The following CTNNAL1 variants were observed in gnomAD, a reference collection of about 807,000 sequenced individuals.
CTNNAL1 encodes catenin alpha like 1.
In CTNNAL1, 69 loss-of-function variants were observed where a neutral mutation model predicts 93.6. The ratio of observed to expected loss-of-function variants is 0.74; its 90% CI spans 0.61 to 0.90. CTNNAL1 has a LOEUF of 0.90. Among genes scored for constraint, CTNNAL1 ranks in the 40% least tolerant of loss-of-function variants. The probability of loss-of-function intolerance (pLI) is 0.00; values close to 1 mark genes in which losing one functional copy is unlikely to be tolerated. For synonymous variants in CTNNAL1, 286 were observed against 305.4 expected (o/e 0.94, Z 0.66); for missense variants, 836 against 862.0 (o/e 0.97, Z 0.38).
At chr9:108,955,736 T>G in intron 12 of CTNNAL1, 54 bp downstream of exon 12, 3 of 1,456,384 alleles carry the variant, frequency 2.1e-6, no homozygotes, top group Non-Finnish European at 2.9e-6. Flanking sequence ...AACAAGAGCA[T>G]AATTTGAATT....
intron 14 of CTNNAL1, chr9:108,950,595 C>A (rs1428870993): frequency 2.6e-6 from 4 of 1,550,104 alleles, no homozygotes; most frequent in Non-Finnish European, 3.5e-6. Flanking sequence ...CACTCTTAAT[C>A]CTCCTTCTAT....
Position 108,965,564 on chromosome 9 carries a change from A to G in CTNNAL1, c.1441-36T>C, listed in dbSNP as rs375380048. 64 of 1,313,376 alleles carry G rather than the reference A, an allele frequency of 4.9e-5. No individual in the cohort carries two copies. The African/African-American group carries it at 8.2e-4, about 17-fold the overall frequency. 81.4% of individuals were successfully genotyped at this position (1,313,376 alleles called of 1,614,324 possible). A position where few individuals can be genotyped will look rare whatever the true frequency, so the allele number is the denominator to read the frequency against. ...ACAATATACACCTGTGTGAATTTCAAAATCTTAGCCCTCAGAATCACTTTG... is the reference window on the plus strand; with the variant it reads ...ACAATATACACCTGTGTGAATTTCAGAATCTTAGCCCTCAGAATCACTTTG... On this transcript the variant is annotated intron_variant, in intron 10 of 18. Coordinates refer to ENST00000325551, the MANE Select transcript of CTNNAL1 (RefSeq NM_003798.4).
At chr9:108,983,365 T>A in intron 5 of CTNNAL1, 50 bp from the exon 6 acceptor site, 1 of 1,363,088 alleles carries the variant, frequency 7.3e-7, no homozygotes, top group Non-Finnish European at 9.5e-7. Context: ...TATGTCATAA[T>A]GCACAAAAAT....
At chr9:108,998,331 A>G (rs1832097071) in intron 2 of CTNNAL1, among the ~76,000 whole-genome samples, 1 of 152,120 alleles carries the variant, frequency 6.6e-6, no homozygotes, top group African/African-American at 2.4e-5. Flanking sequence ...CACCAAAGTT[A>G]AAAAACCCTG....
rs201781941 is a variant in CTNNAL1 at position 108,990,840 on chromosome 9, G to A, written c.525C>T (p.Leu175=). ...KQIITSRNKV[L]ATMERLEKVN... ...CTTTCTCTAGTCTTTCCATAGTTGCGAGAACCTGCAAAACAGATAATAATT... is the reference window on the plus strand; with the variant it reads ...CTTTCTCTAGTCTTTCCATAGTTGCAAGAACCTGCAAAACAGATAATAATT... Residue 175 remains leucine, a synonymous_variant, in exon 4 of 19, where the codon CTC becomes CTT. Coordinates refer to ENST00000325551, the MANE Select transcript of CTNNAL1 (RefSeq NM_003798.4). 5.6e-5 allele frequency: 90 copies of A among 1,611,940 alleles called. No homozygotes were observed. The highest frequency in any genetic ancestry group is 1.7e-4 in the South Asian group (15 of 90,536).
chr9:109,008,008 G>A (rs939107570), intron 1 of CTNNAL1, among the ~76,000 whole-genome samples: 1 of 151,852 alleles, frequency 6.6e-6, no homozygotes, highest in Admixed American at 6.6e-5. Context: ...TATAGCTGTG[G>A]TTTATTCATT....
In CTNNAL1 at chr9:109,013,192, G is replaced by C; in HGVS notation, c.141+110C>G. On this transcript the variant is annotated intron_variant, in intron 1 of 18. Transcript: ENST00000325551. ...GGTCCGACAAGAACGCCGCAGTGCC[G>C]GCGCGGAAAGTGGGGCAGCGGCTGC... The C allele has an allele frequency of 3.8e-6, 5 of 1,302,092 alleles. No homozygotes were observed. The South Asian group carries it at 8.9e-5, about 23-fold the overall frequency. 80.7% of individuals were successfully genotyped at this position (1,302,092 alleles called of 1,614,324 possible).
In CTNNAL1 at chr9:108,942,766, T is replaced by G; in HGVS notation, c.*3A>C. The G allele has an allele frequency of 6.3e-7, 1 of 1,594,330 alleles. No homozygotes were observed. The highest frequency in any genetic ancestry group is 8.6e-7 in the Non-Finnish European group (1 of 1,163,104). On this transcript the variant is annotated 3_prime_UTR_variant, in exon 19 of 19. Coordinates refer to ENST00000325551, the MANE Select transcript of CTNNAL1 (RefSeq NM_003798.4). ...GTTCCAGAGATCTGACCCCAAAAGC[T>G]TCTCAAGTTTTACTATCCATAGTGT... is the stretch of plus-strand genomic sequence containing the variant.
chr9:108,990,951 A>C, intron 3 of CTNNAL1, 106 bp from the exon 4 acceptor site: 3 of 1,350,004 alleles, frequency 2.2e-6, no homozygotes, highest in African/African-American at 2.9e-5. Context: ...TTCTAGGTGA[A>C]AGCTGAGGAG....
intron 4 of CTNNAL1, among the ~76,000 whole-genome samples, chr9:108,986,124 C>A (rs995194045): frequency 1.7e-4 from 26 of 150,672 alleles, no homozygotes; most frequent in Non-Finnish European, 2.4e-4. Flanking sequence ...TGTGCTGCAC[C>A]CATTAACTCG....
chr9:109,002,870 G>C (rs1826890301), intron 1 of CTNNAL1, among the ~76,000 whole-genome samples: 2 of 151,876 alleles, frequency 1.3e-5, no homozygotes, highest in Admixed American at 6.6e-5. Context: ...GTGCATGGCT[G>C]TAATCCCAGC....
chr9:108,989,056 A>T (rs1831703368), intron 4 of CTNNAL1, among the ~76,000 whole-genome samples: 1 of 152,242 alleles, frequency 6.6e-6, no homozygotes, highest in African/African-American at 2.4e-5. Context: ...TGCTAAAAAT[A>T]GATACCACTT....
At chr9:108,967,812 C>A (rs1260169726) in intron 10 of CTNNAL1, among the ~76,000 whole-genome samples, 1 of 152,082 alleles carries the variant, frequency 6.6e-6, no homozygotes, top group Non-Finnish European at 1.5e-5. Context: ...AATGGAGAAG[C>A]ATAGATGGTA....
At chr9:108,963,205 G>C (rs767531939) in intron 11 of CTNNAL1, among the ~76,000 whole-genome samples, 31 of 152,184 alleles carry the variant, frequency 2.0e-4, no homozygotes, top group Admixed American at 3.9e-4. Context: ...TTCTTGAGAG[G>C]GGGGAAAAGC....
rs184712405 is a variant in CTNNAL1 at position 108,943,102 on chromosome 9, C to A, written c.2056-58G>T. On this transcript the variant is annotated intron_variant, in intron 17 of 18. Transcript: ENST00000325551. ...TAAAAGTAGTACTTAAAAGACCTTA[C>A]CATTTATTTAGTTTTAACATGATAA... 4.9e-5 allele frequency: 70 copies of A among 1,435,332 alleles called. No homozygotes were observed. The East Asian group carries it at 1.4e-3, about 29-fold the overall frequency. The allele number at this position is 1,435,332 out of a possible 1,614,324, so 88.9% of individuals were successfully genotyped here.
chr9:108,984,733 C>A (rs1042919005), intron 4 of CTNNAL1, among the ~76,000 whole-genome samples: 1 of 152,150 alleles, frequency 6.6e-6, no homozygotes, highest in East Asian at 1.9e-4. Context: ...GACATTCTCA[C>A]GTCAAATGCA....
chr9:108,998,048 T>C (rs1348639463), intron 2 of CTNNAL1, among the ~76,000 whole-genome samples: 1 of 152,242 alleles, frequency 6.6e-6, no homozygotes, highest in East Asian at 1.9e-4. Context: ...AGTATCCACA[T>C]AGCTCAGGCC....
At chr9:108,992,121 G>A (rs1384057665) in intron 3 of CTNNAL1, 2 of 742,132 alleles carry the variant, frequency 2.7e-6, no homozygotes, top group Non-Finnish European at 5.0e-6. Flanking sequence ...TATCAACTAG[G>A]TTTCTGCTAC....
chr9:108,989,933 C>T (rs988958005), intron 4 of CTNNAL1, among the ~76,000 whole-genome samples: 1 of 152,098 alleles, frequency 6.6e-6, no homozygotes. Context: ...TGCCTGTAGT[C>T]CCAGCTACTC....
Sources: gnomAD v4.1 joint callset for allele counts (sites outside exome capture counted in the v4.1 genomes callset) on GRCh38, gnomAD v4.1.1 for gene constraint, MANE v1.5 for transcripts, NCBI Gene and HGNC (gene_info 2026-07-23, HGNC 2026-07-21) for gene names.